The following SANBR variants were observed in gnomAD, a reference collection of about 807,000 sequenced individuals.
The protein encoded by SANBR is SANT and BTB domain regulator of class switch recombination.
In SANBR, 77 loss-of-function variants were observed where a neutral mutation model predicts 101.8. The ratio of observed to expected loss-of-function variants is 0.76; its 90% CI spans 0.63 to 0.91. The LOEUF (loss-of-function observed/expected upper bound fraction) is 0.91, where lower values mean the gene tolerates loss of function less well. SANBR is among the 40% of genes least tolerant of loss of function. The probability of loss-of-function intolerance (pLI) is 0.00; values close to 1 mark genes in which losing one functional copy is unlikely to be tolerated. For synonymous variants in SANBR, 279 were observed against 274.7 expected, an observed-to-expected ratio of 1.02 and a Z score of -0.15; for missense variants, 875 against 853.0, an observed-to-expected ratio of 1.03 and a Z score of -0.32.
At chr2:61,092,632 G>C (rs1296343223) in intron 11 of SANBR, 45 bp downstream of exon 11, 2 of 1,435,934 alleles carry the variant, frequency 1.4e-6, no homozygotes, top group Non-Finnish European at 1.9e-6. Flanking sequence ...AATATTGAGA[G>C]CAAGATTATT....
chr2:61,119,837 C>T (rs1403049992), intron 20 of SANBR, among the ~76,000 whole-genome samples: 1 of 152,134 alleles, frequency 6.6e-6, no homozygotes, highest in Non-Finnish European at 1.5e-5. Context: ...TGGTGGATGC[C>T]TGTAGTCCCA....
intron 16 of SANBR, 97 bp from the exon 17 acceptor site, chr2:61,115,882 A>G: frequency 1.5e-6 from 1 of 685,824 alleles, no homozygotes; most frequent in Non-Finnish European, 2.4e-6. Context: ...TTTTCTTAAA[A>G]CAATGTTTTT....
intron 16 of SANBR, among the ~76,000 whole-genome samples, chr2:61,112,489 ATTTTCTTTTTT>A (rs998104507): frequency 2.7e-5 from 4 of 147,448 alleles, no homozygotes; most frequent in Admixed American, 1.3e-4. Flanking sequence ...TTGCCTTTTA[ATTTTCTTTTTT>A]TTTTCTTTTT....
At chr2:61,092,966 T>C (rs1682846752) in intron 11 of SANBR, among the ~76,000 whole-genome samples, 1 of 152,118 alleles carries the variant, frequency 6.6e-6, no homozygotes, top group Non-Finnish European at 1.5e-5. Flanking sequence ...ACCCCATCTC[T>C]AGTAAAAATA....
intron 21 of SANBR, among the ~76,000 whole-genome samples, chr2:61,137,128 AT>A (rs1300190727): frequency 1.3e-5 from 2 of 151,962 alleles, no homozygotes; most frequent in Non-Finnish European, 2.9e-5. Context: ...CAAAAAAAAA[AT>A]TAGCGGGGCA....
intron 6 of SANBR, among the ~76,000 whole-genome samples, chr2:61,079,849 G>C (rs929761172): frequency 1.3e-5 from 2 of 151,054 alleles, no homozygotes; most frequent in Non-Finnish European, 2.9e-5. Flanking sequence ...GCAGTGAGCA[G>C]AGATTGCGCC....
At chr2:61,081,353 C>T in intron 6 of SANBR, 99 bp from the exon 7 acceptor site, 1 of 1,166,208 alleles carries the variant, frequency 8.6e-7, no homozygotes, top group Non-Finnish European at 1.2e-6. Context: ...TTAAATTATT[C>T]TTATTCCAGT....
intron 6 of SANBR, among the ~76,000 whole-genome samples, chr2:61,077,770 G>A (rs1013196000): frequency 3.3e-5 from 5 of 152,190 alleles, no homozygotes; most frequent in Non-Finnish European, 5.9e-5. Context: ...GCACTTGTGC[G>A]ATTATTTTCA....
intron 20 of SANBR, among the ~76,000 whole-genome samples, chr2:61,133,167 G>A (rs762007152): frequency 1.3e-5 from 2 of 152,062 alleles, no homozygotes; most frequent in Non-Finnish European, 2.9e-5. Flanking sequence ...CACAAGAATC[G>A]CTTGAACCTA....
At chr2:61,125,789 G>A (rs1559152512), downstream of SANBR, among the ~76,000 whole-genome samples, 2 of 151,916 alleles carry the variant, frequency 1.3e-5, no homozygotes, top group South Asian at 4.2e-4. Flanking sequence ...GCCTCACAAC[G>A]CCCGCCCCCG....
chr2:61,069,785 A>G (rs534873033), intron 2 of SANBR: 13 of 152,506 alleles, frequency 8.5e-5, no homozygotes, highest in African/African-American at 3.1e-4. Context: ...ATTTGATATC[A>G]TAACCCTCTC....
chr2:61,077,106 A>G lies in SANBR; in HGVS notation c.618A>G (p.Lys206=). 5 of 1,614,094 alleles carry G rather than the reference A, an allele frequency of 3.1e-6. No individual in the cohort carries two copies. The highest frequency in any genetic ancestry group is 4.2e-6 in the Non-Finnish European group (5 of 1,179,916). Residue 206 remains lysine, a synonymous_variant, in exon 6 of 22, where the codon AAA becomes AAG. Coordinates refer to ENST00000402291, the MANE Select transcript of SANBR (RefSeq NM_001129993.3). ...CDVHIFNWLI[K]YIKRNTKENK... Reference sequence around the variant, plus strand: ...TTCACATTTTCAACTGGTTGATAAAATACATTAAAAGGAACACTAAGGAGA... The same window carrying G: ...TTCACATTTTCAACTGGTTGATAAAGTACATTAAAAGGAACACTAAGGAGA...
Position 61,106,595 on chromosome 2 carries a change from G to A in SANBR, c.1544G>A (p.Gly515Asp), listed in dbSNP as rs1049481065. 13 of 1,602,562 alleles carry A rather than the reference G, an allele frequency of 8.1e-6. No individual in the cohort carries two copies. The East Asian group carries it at 2.5e-4, about 31-fold the overall frequency. Residue 515 changes from glycine to aspartate, a missense_variant, in exon 14 of 22, where the codon GGT (glycine) becomes GAT (aspartate). Transcript: ENST00000402291. ...GGGGTTGGCCTCTGTGATGAAAAGG[G>A]TATAGAATGTGATGTTTTACTGGAG... ...DVGVGLCDEK[G>D]IECDVLLEPN...
intron 8 of SANBR, among the ~76,000 whole-genome samples, chr2:61,084,222 G>A (rs891533664): frequency 6.6e-6 from 1 of 152,072 alleles, no homozygotes; most frequent in Admixed American, 6.6e-5. Flanking sequence ...CCAAAGTGCT[G>A]GGATTACAGG....
intron 7 of SANBR, among the ~76,000 whole-genome samples, chr2:61,081,738 T>G (rs958765514): frequency 2.6e-5 from 4 of 152,176 alleles, no homozygotes; most frequent in African/African-American, 9.7e-5. Context: ...AACCTCTGCT[T>G]CCCCAGCTCA....
chr2:61,066,435 G>C (rs2104830373), intron 1 of SANBR: 1 of 152,726 alleles, frequency 6.5e-6, no homozygotes, highest in East Asian at 1.9e-4. Context: ...AGGACGCGCC[G>C]CGTAGTGAGC....
chr2:61,116,104 T>C (rs369135106), intron 17 of SANBR, 34 bp downstream of exon 17: 1 of 1,423,112 alleles, frequency 7.0e-7, no homozygotes, highest in Non-Finnish European at 9.7e-7. Flanking sequence ...AAAGTTCATA[T>C]GGAAAAATAA....
chr2:61,093,970 T>TTTTGATCGACAAATAA (rs1330199276), intron 11 of SANBR: 2 of 308,176 alleles, frequency 6.5e-6, no homozygotes, highest in Non-Finnish European at 9.5e-6. Context: ...AAATAATTTC[T>TTTTGATCGACAAATAA]TTTGAATCCC....
intron 8 of SANBR, among the ~76,000 whole-genome samples, chr2:61,084,837 G>C (rs1682337394): frequency 1.3e-5 from 2 of 152,094 alleles, no homozygotes; most frequent in Admixed American, 1.3e-4. Context: ...TTTGCACTAG[G>C]GTAGAAACGG....
Sources: allele counts gnomAD v4.1 joint callset (sites outside exome capture counted in the v4.1 genomes callset), GRCh38; gene constraint gnomAD v4.1.1; transcripts MANE v1.5; gene names NCBI Gene and HGNC (gene_info 2026-07-23, HGNC 2026-07-21).